SLC2A13: variants seen among roughly 807,000 people sequenced by gnomAD.
The protein encoded by SLC2A13 is solute carrier family 2 member 13.
Under a neutral mutation model 64.4 loss-of-function variants are expected in SLC2A13, and 32 were observed. The ratio of observed to expected loss-of-function variants is 0.50; its 90% confidence interval spans 0.37 to 0.67. The LOEUF (loss-of-function observed/expected upper bound fraction) is 0.67. Among genes scored for constraint, SLC2A13 ranks in the 30% least tolerant of loss-of-function variants. SLC2A13 has a pLI of 0.00. For missense variants in SLC2A13, 743 were observed against 829.2 expected, an observed-to-expected ratio of 0.90 and a Z score of 1.28; for synonymous variants, 338 against 327.1, an observed-to-expected ratio of 1.03 and a Z score of -0.36.
rs112385774 is a variant in SLC2A13 at position 39,815,485 on chromosome 12, A to G, written c.1445+14618T>C. On this transcript the variant is annotated intron_variant, in intron 7 of 9. Transcript: ENST00000280871. ...GCATTCTTTCTTTTCACCTATTACT[A>G]TCCTTTCACTAACATTCACATGCAC... Among the ~76,000 whole-genome samples the G allele has an allele frequency of 4.7e-4, 72 of 152,300 alleles. 1 individual carries two copies. The highest frequency in any genetic ancestry group is 1.6e-3 in the African/African-American group (67 of 41,568).
chr12:39,778,120 A>G (rs1278697311), intron 7 of SLC2A13, among the ~76,000 whole-genome samples: 1 of 152,118 alleles, frequency 6.6e-6, no homozygotes, highest in Non-Finnish European at 1.5e-5. Flanking sequence ...GGCGGTGAAG[A>G]AGTGAGCCAC....
intron 4 of SLC2A13, among the ~76,000 whole-genome samples, chr12:39,892,378 G>T (rs1565523474): frequency 1.3e-5 from 2 of 152,170 alleles, no homozygotes; most frequent in African/African-American, 4.8e-5. Flanking sequence ...TCTTGGAACT[G>T]TCTGGCCCGG....
At chr12:40,037,204 C>G (rs917163439) in intron 2 of SLC2A13, among the ~76,000 whole-genome samples, 1 of 152,132 alleles carries the variant, frequency 6.6e-6, no homozygotes, top group African/African-American at 2.4e-5. Flanking sequence ...TGTAACAACT[C>G]AGGCCCTAGT....
At chr12:39,892,642 A>G (rs1417989538) in intron 4 of SLC2A13, among the ~76,000 whole-genome samples, 1 of 152,192 alleles carries the variant, frequency 6.6e-6, no homozygotes, top group Non-Finnish European at 1.5e-5. Context: ...CTGCCACACA[A>G]CTACAGAAAA....
intron 4 of SLC2A13, among the ~76,000 whole-genome samples, chr12:39,883,785 C>T (rs1944401484): frequency 6.6e-6 from 1 of 152,154 alleles, no homozygotes. Context: ...GTTTTATGCA[C>T]ATTATTTATA....
intron 6 of SLC2A13, among the ~76,000 whole-genome samples, chr12:39,844,104 CA>C (rs1390138399): frequency 2.6e-5 from 4 of 152,032 alleles, no homozygotes; most frequent in Non-Finnish European, 4.4e-5. Context: ...TTTCTCTCTT[CA>C]TATTTGTATA....
At chr12:39,896,145 T>C (rs1370511098) in intron 4 of SLC2A13, among the ~76,000 whole-genome samples, 3 of 148,796 alleles carry the variant, frequency 2.0e-5, no homozygotes, top group African/African-American at 4.9e-5. Flanking sequence ...CGTGTACCTA[T>C]ATATGTATAC....
At chr12:39,798,657 C>T (rs1161469528) in intron 7 of SLC2A13, among the ~76,000 whole-genome samples, 1 of 152,192 alleles carries the variant, frequency 6.6e-6, no homozygotes, top group African/African-American at 2.4e-5. Context: ...CTCCCTGGAA[C>T]AGCCCGGGCT....
intron 7 of SLC2A13, among the ~76,000 whole-genome samples, chr12:39,814,384 A>G (rs1251696658): frequency 6.6e-6 from 1 of 152,244 alleles, no homozygotes; most frequent in Non-Finnish European, 1.5e-5. Context: ...GAGAGTAAAG[A>G]GAAAACATCT....
chr12:39,876,929 T>C (rs1487333133), intron 4 of SLC2A13, among the ~76,000 whole-genome samples: 1 of 152,190 alleles, frequency 6.6e-6, no homozygotes, highest in African/African-American at 2.4e-5. Context: ...GAGTAGTTTA[T>C]TGACTGTAAG....
At chr12:39,980,584 T>A (rs1946872092) in intron 3 of SLC2A13, among the ~76,000 whole-genome samples, 1 of 151,330 alleles carries the variant, frequency 6.6e-6, no homozygotes, top group South Asian at 2.1e-4. Context: ...AGAAGGCCAT[T>A]ACATAATGGT....
At chr12:39,920,652 AT>A (rs1453920865) in intron 4 of SLC2A13, among the ~76,000 whole-genome samples, 11 of 152,202 alleles carry the variant, frequency 7.2e-5, no homozygotes, top group African/African-American at 2.7e-4. Flanking sequence ...AATTATATCA[AT>A]CACTAGCTCT....
chr12:40,037,830 T>C (rs1187386544), intron 2 of SLC2A13, among the ~76,000 whole-genome samples: 1 of 152,200 alleles, frequency 6.6e-6, no homozygotes, highest in East Asian at 1.9e-4. Context: ...TTGTTCACAG[T>C]TGTTCAAATT....
At chr12:40,060,027 T>A (rs553904657) in intron 1 of SLC2A13, among the ~76,000 whole-genome samples, 41 of 152,096 alleles carry the variant, frequency 2.7e-4, no homozygotes, top group Non-Finnish European at 5.0e-4. Context: ...GTAACAAAGG[T>A]CTATGGGAGT....
chr12:39,769,498 TTTTCTCTC>T, intron 7 of SLC2A13, among the ~76,000 whole-genome samples: 1 of 151,120 alleles, frequency 6.6e-6, no homozygotes, highest in Admixed American at 6.6e-5. Context: ...TTTTCTATAT[TTTTCTCTC>T]AATATTTGAG....
chr12:40,062,013 C>T (rs1948431781), intron 1 of SLC2A13, among the ~76,000 whole-genome samples: 1 of 152,016 alleles, frequency 6.6e-6, no homozygotes, highest in Non-Finnish European at 1.5e-5. Flanking sequence ...ACCCACACAT[C>T]AGCCCTTGAC....
At chr12:40,102,884 T>C (rs1447364049) in intron 1 of SLC2A13, among the ~76,000 whole-genome samples, 1 of 152,226 alleles carries the variant, frequency 6.6e-6, no homozygotes, top group Non-Finnish European at 1.5e-5. Flanking sequence ...CTAATTTTAA[T>C]CCTAATTTGA....
chr12:40,052,566 G>A (rs1018847068), intron 1 of SLC2A13, among the ~76,000 whole-genome samples: 8 of 152,072 alleles, frequency 5.3e-5, no homozygotes, highest in Non-Finnish European at 8.8e-5. Flanking sequence ...GGGAAGTGAG[G>A]AGATGACAGC....
chr12:39,838,883 T>G (rs1409307157), intron 6 of SLC2A13, among the ~76,000 whole-genome samples: 1 of 152,110 alleles, frequency 6.6e-6, no homozygotes, highest in Non-Finnish European at 1.5e-5. Flanking sequence ...CTCAATGAGA[T>G]GGAGCACTAA....
Sources: allele counts gnomAD v4.1 joint callset (sites outside exome capture counted in the v4.1 genomes callset), GRCh38; gene constraint gnomAD v4.1.1; transcripts MANE v1.5; gene names NCBI Gene and HGNC (gene_info 2026-07-23, HGNC 2026-07-21).